Variants in MELTF observed in about 807,000 individuals in gnomAD.
MELTF encodes melanotransferrin, also known as antigen p97 (melanoma associated) identified by monoclonal antibodies 133.2 and 96.5.
A neutral mutation model predicts 83.7 loss-of-function variants in MELTF; 67 were observed. That is an observed-to-expected ratio of 0.80 (90% CI 0.66 to 0.98). The LOEUF (loss-of-function observed/expected upper bound fraction) is 0.98. Ranked by LOEUF, MELTF falls within the 50% of genes least tolerant of loss-of-function variation. The pLI is 0.00. For synonymous variants in MELTF, 462 were observed against 447.6 expected, an observed-to-expected ratio of 1.03 and a Z score of -0.41; for missense variants, 1,002 against 1,035.6, an observed-to-expected ratio of 0.97 and a Z score of 0.44.
chr3:197,009,862 C>T, intron 10 of MELTF, 50 bp from the exon 11 acceptor site: 1 of 1,543,186 alleles, frequency 6.5e-7, no homozygotes, highest in Non-Finnish European at 8.9e-7. Context: ...AGAGCCCGGG[C>T]AAGTGCCTGG....
chr3:197,026,870 G>T, intron 2 of MELTF, 111 bp from the exon 3 acceptor site: 1 of 817,922 alleles, frequency 1.2e-6, no homozygotes, highest in Non-Finnish European at 2.0e-6. Flanking sequence ...AGAGGGCTGT[G>T]CTGTCCTTCT....
intron 9 of MELTF, among the ~76,000 whole-genome samples, chr3:197,012,979 G>A (rs1719240418): frequency 6.6e-6 from 1 of 152,220 alleles, no homozygotes; most frequent in Admixed American, 6.5e-5. Context: ...TCACTAGATT[G>A]TGATCAATGC....
rs1718962496 is a variant in MELTF at position 197,006,014 on chromosome 3, A to G, written c.1938+535T>C. Among the ~76,000 whole-genome samples the G allele has an allele frequency of 6.6e-6, 1 of 152,034 alleles. No homozygotes were observed. Among genetic ancestry groups the G allele is most frequent in the South Asian group, 2.1e-4 (1 of 4,822 alleles). On this transcript the variant is annotated intron_variant, in intron 14 of 15. Coordinates refer to ENST00000296350, the MANE Select transcript of MELTF (RefSeq NM_005929.6). This position sits in a 1 kb window ranked among gnomAD's most constrained non-coding sequence, Gnocchi z 5.4. The stretch of plus-strand genomic sequence containing the variant: ...GGTGGGCGGATCACGAGGTCAGGAG[A>G]TCGAGACCATCCTGGCTAACACGGT...
rs1323992387 is a variant in MELTF, at chr3:197,011,028, C to T, written c.1234-234G>A. Among the ~76,000 whole-genome samples, 2 of 152,152 alleles carry T rather than the reference C, an allele frequency of 1.3e-5. No homozygotes were observed. Among genetic ancestry groups the T allele is most frequent in the Non-Finnish European group, 2.9e-5 (2 of 68,010 alleles). ...GGACCAAGGGGCAGAAACACCCACGCAGCACTCCTGCGCGTGGCCACCCAG... is the reference window on the plus strand; with the variant it reads ...GGACCAAGGGGCAGAAACACCCACGTAGCACTCCTGCGCGTGGCCACCCAG... On this transcript the variant is annotated intron_variant, in intron 9 of 15. Coordinates refer to ENST00000296350, the MANE Select transcript of MELTF (RefSeq NM_005929.6). The surrounding 1 kb of genome is among the most constrained non-coding windows in gnomAD (Gnocchi z 4.2).
rs1270220276 is a variant in MELTF, at chr3:197,007,856, G to A, written c.1750+801C>T. 6.6e-6 allele frequency among the ~76,000 whole-genome samples: 1 copy of A among 152,226 alleles called. No individual in the cohort carries two copies. Among genetic ancestry groups the A allele is most frequent in the Admixed American group, 6.5e-5 (1 of 15,288 alleles). ...CCAGTCCCCTCCCCACCGGGCCACAGTTGTGCCTTTCTGGGCTAAGTCTAT... is the reference window on the plus strand; with the variant it reads ...CCAGTCCCCTCCCCACCGGGCCACAATTGTGCCTTTCTGGGCTAAGTCTAT... On this transcript the variant is annotated intron_variant, in intron 13 of 15. Coordinates refer to ENST00000296350, the MANE Select transcript of MELTF (RefSeq NM_005929.6). This position sits in a 1 kb window ranked among gnomAD's most constrained non-coding sequence, Gnocchi z 4.3.
intron 11 of MELTF, among the ~76,000 whole-genome samples, 187 bp from the exon 12 acceptor site, chr3:197,009,152 G>A (rs1192225843): frequency 2.6e-5 from 4 of 152,126 alleles, no homozygotes; most frequent in African/African-American, 9.7e-5. Context: ...GGAATGCAGA[G>A]GTTGTCTAGA....
chr3:197,006,675 G>A lies in MELTF; in HGVS notation c.1812C>T (p.Pro604=), dbSNP rs771265455. 12 of 1,591,514 alleles carry A rather than the reference G, an allele frequency of 7.5e-6. No homozygotes were observed. The African/African-American group carries it at 1.1e-4, about 14-fold the overall frequency. ...LRSEDYELLC[P]NGARAEVSQF... ...GGGACACCTCGGCTCGGGCCCCGTT[G>A]GGGCACAGCAGTTCATAGTCCTCTG... Residue 604 remains proline, a synonymous_variant, in exon 14 of 16, where the codon CCC becomes CCT. Coordinates refer to ENST00000296350, the MANE Select transcript of MELTF (RefSeq NM_005929.6). The surrounding 1 kb of genome is among the most constrained non-coding windows in gnomAD (Gnocchi z 5.4).
intron 8 of MELTF, among the ~76,000 whole-genome samples, chr3:197,015,941 C>T (rs1161219711): frequency 6.6e-6 from 1 of 152,098 alleles, no homozygotes; most frequent in Non-Finnish European, 1.5e-5. Flanking sequence ...GAGACCCTTC[C>T]CAAGACAGAT....
Position 197,027,743 on chromosome 3 carries a change from G to A in MELTF, c.204+13C>T, listed in dbSNP as rs531188626. 3 of 1,601,248 alleles carry A rather than the reference G, an allele frequency of 1.9e-6. No individual in the cohort carries two copies. Among genetic ancestry groups the A allele is most frequent in the East Asian group, 4.5e-5 (2 of 44,428 alleles). ...GCCCTCTTGTCTGGCAGGGTGGAAG[G>A]GAGAGGACTCACCGCGATGAGCTGG... On this transcript the variant is annotated intron_variant, in intron 2 of 15. Transcript: ENST00000296350.
At chr3:197,015,925 G>T (rs560591260) in intron 8 of MELTF, among the ~76,000 whole-genome samples, 2 of 152,130 alleles carry the variant, frequency 1.3e-5, no homozygotes, top group African/African-American at 4.8e-5. Flanking sequence ...TGGATGGGGG[G>T]GCGAGGAGAC....
intron 2 of MELTF, among the ~76,000 whole-genome samples, chr3:197,027,219 G>A (rs370979238): frequency 4.4e-4 from 67 of 152,312 alleles, no homozygotes; most frequent in African/African-American, 1.6e-3. Context: ...GGTCTTGGGG[G>A]CATATGGGGG....
rs1719319465 is a variant in MELTF at position 197,015,237 on chromosome 3, T to C, written c.1233+128A>G. The C allele has an allele frequency of 2.6e-6, 3 of 1,164,966 alleles. 1 individual carries two copies. Among genetic ancestry groups the C allele is most frequent in the South Asian group, 1.5e-5 (1 of 65,242 alleles). The allele number at this position is 1,164,966 out of a possible 1,614,324, so 72.2% of individuals were successfully genotyped here. A position where few individuals can be genotyped will look rare whatever the true frequency, so the allele number is the denominator to read the frequency against. ...CCCTGCGGTCGCTCCTCCCCACCCGTCTCTGTGGGCTTGTTGCAGTAGACA... is the reference window on the plus strand; with the variant it reads ...CCCTGCGGTCGCTCCTCCCCACCCGCCTCTGTGGGCTTGTTGCAGTAGACA... On this transcript the variant is annotated intron_variant, in intron 9 of 15. Coordinates refer to ENST00000296350, the MANE Select transcript of MELTF (RefSeq NM_005929.6).
intron 9 of MELTF, among the ~76,000 whole-genome samples, chr3:197,013,401 C>A (rs774880484): frequency 1.3e-4 from 20 of 152,122 alleles, no homozygotes; most frequent in Non-Finnish European, 2.6e-4. Flanking sequence ...AAATGCAGGG[C>A]CCAAGACAAT....
intron 6 of MELTF, 111 bp downstream of exon 6, chr3:197,021,293 G>T: frequency 1.0e-6 from 1 of 953,670 alleles, no homozygotes; most frequent in Non-Finnish European, 1.6e-6. Flanking sequence ...GAGACTCAGA[G>T]CAGCACTGCA....
In MELTF at chr3:197,026,309, A is replaced by G. The variant is rs569498655; in HGVS notation, c.304+351T>C. 7 of 228,298 alleles carry G rather than the reference A, an allele frequency of 3.1e-5. No individual in the cohort carries two copies. In the East Asian group the frequency reaches 3.9e-4, roughly 13 times the overall value. The allele number at this position is 228,298 out of a possible 1,614,324, so 14.1% of individuals were successfully genotyped here. A position where few individuals can be genotyped will look rare whatever the true frequency, so the allele number is the denominator to read the frequency against. ...TTCTGAAGGGAGGCCCTGAGAGTGC[A>G]GGTGGCTCGGCATTAAGGACGCCTT... On this transcript the variant is annotated intron_variant, in intron 3 of 15. Transcript: ENST00000296350.
chr3:197,028,508 A>C (rs1719954588), intron 1 of MELTF: 2 of 153,626 alleles, frequency 1.3e-5, no homozygotes, highest in African/African-American at 4.8e-5. Context: ...AGGACCCATC[A>C]GGGTAGGTTC....
rs367867167 is a variant in MELTF, at chr3:197,006,628, G to A, written c.1859C>T (p.Ala620Val). The part of the protein sequence containing the change: ...EVSQFAACNL[A>V]QIPPHAVMVR... ...CATCACGGCGTGGGGTGGTATCTGT[G>A]CCAGGTTGCAGGCTGCAAACTGGGA... Residue 620 changes from alanine (A) to valine (V), a missense_variant, in exon 14 of 16, where the codon GCA becomes GTA. By Grantham distance (64) the Ala-to-Val change is moderately conservative. Coordinates refer to ENST00000296350, the MANE Select transcript of MELTF (RefSeq NM_005929.6). This position sits in a 1 kb window ranked among gnomAD's most constrained non-coding sequence, Gnocchi z 5.4. 1.9e-6 allele frequency: 3 copies of A among 1,612,804 alleles called. No individual in the cohort carries two copies. The African/African-American group carries it at 4.0e-5, about 22-fold the overall frequency.
Position 197,008,733 on chromosome 3 carries a change from CAG to C in MELTF, c.1683-11_1683-10del, listed in dbSNP as rs571349187. 1.2e-4 allele frequency: 193 copies of C among 1,614,096 alleles called. No individual in the cohort carries two copies. The African/African-American group carries it at 1.2e-3, about 10-fold the overall frequency. ...CATTCTCCACCAGGCACCTGCCACACAGAGGGCAGGGCAGGCGTCGGCAGGAG... is the reference window on the plus strand; with the variant it reads ...CATTCTCCACCAGGCACCTGCCACACAGGGCAGGGCAGGCGTCGGCAGGAG... On this transcript the variant is annotated splice_polypyrimidine_tract_variant and intron_variant, in intron 12 of 15. Coordinates refer to ENST00000296350, the MANE Select transcript of MELTF (RefSeq NM_005929.6). This position sits in a 1 kb window ranked among gnomAD's most constrained non-coding sequence, Gnocchi z 5.4.
At position 197,021,422 on chromosome 3, in the gene MELTF, C is replaced by T. The variant is rs1242972825; in HGVS notation, c.694G>A (p.Val232Ile). 3 of 1,614,144 alleles carry T rather than the reference C, an allele frequency of 1.9e-6. No individual in the cohort carries two copies. The highest frequency in any genetic ancestry group is 2.2e-5 in the East Asian group (1 of 44,876). ...GDVAFVKHSTVLENTDGKTLP... is the reference protein window; with the variant it reads ...GDVAFVKHSTILENTDGKTLP... ...CACTCACCATCCGTGTTCTCCAGTA[C>T]CGTGCTGTGCTTCACAAAAGCCACG... Residue 232 changes from valine (V) to isoleucine (I), a missense_variant, in exon 6 of 16, where the codon GTA becomes ATA. Transcript: ENST00000296350.
Sources: allele counts gnomAD v4.1 joint callset (sites outside exome capture counted in the v4.1 genomes callset), GRCh38; gene constraint gnomAD v4.1.1; non-coding constraint Gnocchi (gnomAD v3.1); transcripts MANE v1.5; gene names NCBI Gene and HGNC (gene_info 2026-07-23, HGNC 2026-07-21).